TNRC6B: variants seen among roughly 807,000 people sequenced by gnomAD.
The protein encoded by TNRC6B is trinucleotide repeat containing adaptor 6B.
Under a neutral mutation model 203.6 loss-of-function variants are expected in TNRC6B, and 52 were observed. The observed-to-expected ratio is 0.26, with a 90% CI of 0.20 to 0.32. TNRC6B has a LOEUF of 0.32. TNRC6B is among the 10% of genes least tolerant of loss of function. The pLI is 1.00. For missense variants in TNRC6B, 1,923 were observed against 2,286.2 expected, an observed-to-expected ratio of 0.84 and a Z score of 3.24; for synonymous variants, 838 against 845.7, an observed-to-expected ratio of 0.99 and a Z score of 0.16.
chr22:40,071,464 C>T (rs1000784328), intron 1 of TNRC6B, among the ~76,000 whole-genome samples: 1 of 152,146 alleles, frequency 6.6e-6, no homozygotes, highest in African/African-American at 2.4e-5. Context: ...CTATTACCAG[C>T]GAATGTGGAA....
At chr22:40,177,186 A>G (rs953378244), upstream of TNRC6B, among the ~76,000 whole-genome samples, 11 of 152,196 alleles carry the variant, frequency 7.2e-5, no homozygotes, top group Non-Finnish European at 1.6e-4. Context: ...CCTCAGCTGC[A>G]GAGCTACCTC....
intron 1 of TNRC6B, among the ~76,000 whole-genome samples, chr22:40,080,047 G>A (rs2068052145): frequency 1.3e-5 from 2 of 151,204 alleles, no homozygotes; most frequent in Admixed American, 6.6e-5. Context: ...TGCCTGCCTT[G>A]GCCTCCCAAA....
intron 1 of TNRC6B, among the ~76,000 whole-genome samples, chr22:40,179,118 A>C (rs552269755): frequency 1.3e-5 from 2 of 152,306 alleles, no homozygotes; most frequent in East Asian, 3.9e-4. Context: ...GTAGCAGTCT[A>C]TGTGATTGTT....
chr22:40,209,878 A>G (rs1478143340), intron 1 of TNRC6B, among the ~76,000 whole-genome samples: 1 of 152,036 alleles, frequency 6.6e-6, no homozygotes, highest in African/African-American at 2.4e-5. Flanking sequence ...AATGAACCGG[A>G]CATGGTGACA....
At chr22:40,313,397 A>G (rs1170513151) in intron 19 of TNRC6B, among the ~76,000 whole-genome samples, 2 of 151,778 alleles carry the variant, frequency 1.3e-5, no homozygotes, top group Admixed American at 6.6e-5. Context: ...AAATCCTCCC[A>G]CTTATAGACA....
rs759016803 is a variant in TNRC6B, at chr22:40,265,480, G to A, written c.1250G>A (p.Arg417Gln). The A allele has an allele frequency of 4.3e-6, 7 of 1,613,808 alleles. No homozygotes were observed. The highest frequency in any genetic ancestry group is 3.3e-5 in the South Asian group (3 of 91,072). ...TDAPSQSTGD[R>Q]KTGSVGSWGA... ...GCCCCTTCACAAAGCACTGGAGATC[G>A]AAAGACTGGGAGTGTTGGATCTTGG... The change falls in exon 5 of 23, where the codon CGA becomes CAA. Residue 417 changes from arginine to glutamine, a missense_variant. Around this residue, in one of 8 missense-constraint regions of TNRC6B, gnomAD observed 614 missense variants for 587.7 expected, o/e 1.04. Transcript: ENST00000454349.
At chr22:40,163,374 G>C (rs1406330266) in intron 4 of TNRC6B, among the ~76,000 whole-genome samples, 1 of 145,008 alleles carries the variant, frequency 6.9e-6, no homozygotes, top group Non-Finnish European at 1.5e-5. Flanking sequence ...CTCTACCCTG[G>C]GTGACAGAAC....
chr22:40,290,678 C>G (rs910210178), intron 12 of TNRC6B, among the ~76,000 whole-genome samples: 1 of 152,014 alleles, frequency 6.6e-6, no homozygotes, highest in Non-Finnish European at 1.5e-5. Flanking sequence ...CACCCCCCGA[C>G]CCGCTTGCTC....
In TNRC6B at chr22:40,297,068, A is replaced by G. The variant is rs993241690; in HGVS notation, c.3709-3387A>G. Among the ~76,000 whole-genome samples, 6 of 152,252 alleles carry G rather than the reference A, an allele frequency of 3.9e-5. No homozygotes were observed. The South Asian group carries it at 6.2e-4, about 16-fold the overall frequency. ...TTTTGAGTACGTATGGCAGTAATCA[A>G]TAATCATAGTTTGCTAACAAGTTTT... On this transcript the variant is annotated intron_variant, in intron 12 of 22. Coordinates refer to ENST00000454349, the MANE Select transcript of TNRC6B (RefSeq NM_001162501.2).
At chr22:40,046,810 A>G (rs1354145694) in intron 1 of TNRC6B, among the ~76,000 whole-genome samples, 1 of 151,402 alleles carries the variant, frequency 6.6e-6, no homozygotes, top group Non-Finnish European at 1.5e-5. Flanking sequence ...ACGCCCGGCT[A>G]ATTTTTTTGT....
chr22:40,111,211 A>G (rs540544674), intron 1 of TNRC6B, among the ~76,000 whole-genome samples: 237 of 152,352 alleles, frequency 1.6e-3, no homozygotes, highest in Non-Finnish European at 2.4e-3. Flanking sequence ...AGCACGTTCA[A>G]CGGCACGCGA....
intron 4 of TNRC6B, among the ~76,000 whole-genome samples, chr22:40,167,587 A>G (rs1345665140): frequency 1.3e-5 from 2 of 151,742 alleles, no homozygotes; most frequent in African/African-American, 4.8e-5. Context: ...TGTTTTTTTA[A>G]CCACAATAAA....
chr22:40,307,495 T>C (rs1245681853), intron 15 of TNRC6B, among the ~76,000 whole-genome samples: 2 of 152,178 alleles, frequency 1.3e-5, no homozygotes, highest in African/African-American at 4.8e-5. Context: ...TATTTTACTT[T>C]TTTGAGAGTT....
intron 21 of TNRC6B, among the ~76,000 whole-genome samples, chr22:40,320,395 G>A (rs146590520): frequency 1.5e-4 from 23 of 152,278 alleles, no homozygotes; most frequent in African/African-American, 4.8e-4. Context: ...CAGGAGAATC[G>A]CTTGAACCTG....
intron 1 of TNRC6B, among the ~76,000 whole-genome samples, chr22:40,081,702 A>G (rs1052769636): frequency 1.3e-5 from 2 of 152,230 alleles, no homozygotes; most frequent in African/African-American, 4.8e-5. Flanking sequence ...TGTGAACTAA[A>G]TGAGACAGTA....
At chr22:40,305,550 A>G (rs1407220494) in intron 15 of TNRC6B, among the ~76,000 whole-genome samples, 1 of 152,220 alleles carries the variant, frequency 6.6e-6, no homozygotes, top group Admixed American at 6.5e-5. Context: ...AAAATGCATC[A>G]GACACATTCC....
chr22:40,249,049 TC>T (rs1156955643), intron 2 of TNRC6B, among the ~76,000 whole-genome samples: 1 of 152,152 alleles, frequency 6.6e-6, no homozygotes, highest in Non-Finnish European at 1.5e-5. Flanking sequence ...GTGCCAGAGA[TC>T]TATCATGTGG....
chr22:40,124,427 G>GT (rs1459705061), intron 2 of TNRC6B, among the ~76,000 whole-genome samples: 3 of 149,258 alleles, frequency 2.0e-5, no homozygotes, highest in African/African-American at 7.5e-5. Flanking sequence ...GACTCAACCA[G>GT]TCCTCCCACC....
intron 15 of TNRC6B, among the ~76,000 whole-genome samples, chr22:40,306,434 G>C (rs2071088505): frequency 6.6e-6 from 1 of 152,170 alleles, no homozygotes; most frequent in African/African-American, 2.4e-5. Flanking sequence ...ATCTTTGCCA[G>C]AATCCTAGGT....
Sources: gnomAD v4.1 joint callset for allele counts (sites outside exome capture counted in the v4.1 genomes callset) on GRCh38, gnomAD v4.1.1 for gene constraint, gnomAD v4.1.1 regional missense constraint, MANE v1.5 for transcripts, NCBI Gene and HGNC (gene_info 2026-07-23, HGNC 2026-07-21) for gene names.